The following SLC9A8 variants were observed in gnomAD, a reference collection of about 807,000 sequenced individuals.
SLC9A8 encodes sodium/hydrogen exchanger 8.
In SLC9A8, 48 loss-of-function variants were observed where a neutral mutation model predicts 66.6. The ratio of observed to expected loss-of-function variants is 0.72; its 90% CI spans 0.57 to 0.92. The LOEUF is 0.92. SLC9A8 is among the 40% of genes least tolerant of loss of function. The pLI is 0.00. For synonymous variants in SLC9A8, 274 were observed against 282.6 expected (o/e 0.97, Z 0.31); for missense variants, 599 against 747.3 (o/e 0.80, Z 2.31).
intron 3 of SLC9A8, among the ~76,000 whole-genome samples, chr20:49,834,669 CAAT>C (rs1359495062): frequency 6.6e-6 from 1 of 151,490 alleles, no homozygotes; most frequent in African/African-American, 2.4e-5. Context: ...GTAATAATAA[CAAT>C]AATATCACAT....
chr20:49,821,435 T>C (rs897341390), intron 2 of SLC9A8, among the ~76,000 whole-genome samples: 2 of 152,328 alleles, frequency 1.3e-5, no homozygotes, highest in Admixed American at 1.3e-4. Context: ...GTTAAATATT[T>C]ATATAAAAAT....
intron 2 of SLC9A8, among the ~76,000 whole-genome samples, chr20:49,817,634 A>T (rs1161648347): frequency 2.0e-5 from 3 of 152,132 alleles, no homozygotes; most frequent in Non-Finnish European, 4.4e-5. Context: ...CTCCACAAAA[A>T]ATAAAAGATT....
At chr20:49,870,142 A>G (rs2089158128) in intron 10 of SLC9A8, among the ~76,000 whole-genome samples, 1 of 152,262 alleles carries the variant, frequency 6.6e-6, no homozygotes, top group Non-Finnish European at 1.5e-5. Context: ...CGCCCATTCA[A>G]GAAATACTTA....
chr20:49,875,064 A>G (rs761826897), intron 11 of SLC9A8, among the ~76,000 whole-genome samples: 1 of 152,208 alleles, frequency 6.6e-6, no homozygotes, highest in Non-Finnish European at 1.5e-5. Flanking sequence ...AGTGAGAACC[A>G]ATTATGAACA....
rs1055077854 is a variant in SLC9A8 at position 49,836,395 on chromosome 20, G to A, written c.290-3146G>A. Among the ~76,000 whole-genome samples the A allele has an allele frequency of 1.6e-4, 24 of 152,120 alleles. No individual in the cohort carries two copies. In the South Asian group the frequency reaches 2.5e-3, roughly 16 times the overall value. On this transcript the variant is annotated intron_variant, in intron 3 of 15. Coordinates refer to ENST00000361573, the MANE Select transcript of SLC9A8 (RefSeq NM_015266.3). ...GTCACCCAGGCCGGAGTGCAGTGGC[G>A]CAATCTCGGCCTACTGCAACCGCCG...
At chr20:49,884,265 CACACACACG>C (rs2089774927) in intron 14 of SLC9A8, 199 bp downstream of exon 14, 2 of 333,716 alleles carry the variant, frequency 6.0e-6, no homozygotes, top group Admixed American at 4.4e-5. Flanking sequence ...ACACGACACA[CACACACACG>C]ACACACACAC....
At chr20:49,880,662 C>T (rs538802301) in intron 12 of SLC9A8, among the ~76,000 whole-genome samples, 5 of 152,318 alleles carry the variant, frequency 3.3e-5, no homozygotes, top group East Asian at 1.9e-4. Flanking sequence ...CCTGATACCT[C>T]GTCCGTCCTC....
intron 10 of SLC9A8, among the ~76,000 whole-genome samples, chr20:49,873,482 CAAA>C (rs3092533): frequency 2.6e-4 from 27 of 103,056 alleles, no homozygotes; most frequent in Admixed American, 3.2e-4. Context: ...ACCCTGTCTC[CAAA>C]AAAAAAAAAA....
intron 11 of SLC9A8, 70 bp from the exon 12 acceptor site, chr20:49,877,911 C>A: frequency 1.9e-6 from 2 of 1,036,198 alleles, no homozygotes; most frequent in East Asian, 2.6e-5. Flanking sequence ...TGTTTGCTTG[C>A]TTAATAGTTT....
At chr20:49,857,800 G>T in intron 8 of SLC9A8, among the ~76,000 whole-genome samples, 1 of 135,002 alleles carries the variant, frequency 7.4e-6, no homozygotes, top group South Asian at 3.0e-4. Flanking sequence ...TTCTTTCCCT[G>T]CCCCTAGTTG....
At chr20:49,813,967 T>C (rs2086454551) in intron 1 of SLC9A8, among the ~76,000 whole-genome samples, 1 of 152,164 alleles carries the variant, frequency 6.6e-6, no homozygotes, top group Non-Finnish European at 1.5e-5. Flanking sequence ...CTGTTGCAGA[T>C]TGTAGATGCC....
intron 2 of SLC9A8, among the ~76,000 whole-genome samples, chr20:49,820,357 G>A (rs868134759): frequency 4.6e-5 from 7 of 151,980 alleles, no homozygotes; most frequent in East Asian, 1.9e-4. Context: ...GGGTGTGGGC[G>A]TGGTGGCATA....
At chr20:49,853,214 G>C (rs916367767) in intron 7 of SLC9A8, among the ~76,000 whole-genome samples, 1 of 152,248 alleles carries the variant, frequency 6.6e-6, no homozygotes, top group African/African-American at 2.4e-5. Flanking sequence ...CATGATCACA[G>C]CTCGCTGTAG....
intron 8 of SLC9A8, among the ~76,000 whole-genome samples, chr20:49,859,960 C>T (rs1271624608): frequency 6.6e-6 from 1 of 152,198 alleles, no homozygotes; most frequent in Non-Finnish European, 1.5e-5. Context: ...ACCATTGCCC[C>T]AGCCCTGGAT....
chr20:49,826,140 A>G (rs1459185742), intron 3 of SLC9A8, among the ~76,000 whole-genome samples: 1 of 152,216 alleles, frequency 6.6e-6, no homozygotes, highest in Non-Finnish European at 1.5e-5. Flanking sequence ...GTGACTGGAA[A>G]CCCAAGAGCA....
intron 7 of SLC9A8, among the ~76,000 whole-genome samples, chr20:49,853,326 A>G (rs2088328821): frequency 6.6e-6 from 1 of 152,068 alleles, no homozygotes; most frequent in South Asian, 2.1e-4. Context: ...GTGTGTGTAG[A>G]GATAGGGTTC....
intron 2 of SLC9A8, among the ~76,000 whole-genome samples, chr20:49,818,217 G>A (rs6067235): frequency 0.086 from 13,022 of 152,220 alleles, 664 homozygotes; most frequent in Middle Eastern, 0.13. Context: ...TTTGGGGCCA[G>A]AAAGGCTGAA....
intron 3 of SLC9A8, 124 bp from the exon 4 acceptor site, chr20:49,839,417 A>G (rs1000753526): frequency 1.9e-6 from 1 of 535,548 alleles, no homozygotes; most frequent in Middle Eastern, 5.3e-4. Context: ...GTACAAAACG[A>G]AGCTGTGCCC....
chr20:49,832,355 A>G (rs1600669435), intron 3 of SLC9A8, among the ~76,000 whole-genome samples: 1 of 151,978 alleles, frequency 6.6e-6, no homozygotes, highest in African/African-American at 2.4e-5. Flanking sequence ...GGCCTGACCT[A>G]CCTGAACTGA....
Sources: gnomAD v4.1 joint callset for allele counts (sites outside exome capture counted in the v4.1 genomes callset) on GRCh38, gnomAD v4.1.1 for gene constraint, MANE v1.5 for transcripts, NCBI Gene and HGNC (gene_info 2026-07-23, HGNC 2026-07-21) for gene names.